The following MYO6 variants were observed in gnomAD, a reference collection of about 807,000 sequenced individuals.
MYO6 encodes the protein unconventional myosin-VI.
In MYO6, 74 loss-of-function variants were observed where a neutral mutation model predicts 178.7. The observed-to-expected ratio is 0.41, with a 90% confidence interval of 0.34 to 0.50. The LOEUF (loss-of-function observed/expected upper bound fraction) is 0.50, where lower values mean the gene tolerates loss of function less well. MYO6 is among the 20% of genes least tolerant of loss of function. MYO6 has a pLI of 0.09. For synonymous variants in MYO6, 477 were observed against 504.6 expected, an observed-to-expected ratio of 0.95 and a Z score of 0.73; for missense variants, 1,330 against 1,547.4, an observed-to-expected ratio of 0.86 and a Z score of 2.36.
rs1002883208 is a variant in MYO6, at chr6:75,866,638, C to T, written c.1770+17C>T. 6.3e-7 allele frequency: 1 copy of T among 1,596,520 alleles called. No individual in the cohort carries two copies. The highest frequency in any genetic ancestry group is 2.2e-5 in the East Asian group (1 of 44,806). The stretch of plus-strand genomic sequence containing the variant: ...TATGAAACAGTGAGTATAACTTTTA[C>T]AAGGAGAAAACCATTTCATGTTGAA... On this transcript the variant is annotated intron_variant, in intron 17 of 34. Coordinates refer to ENST00000369977, the MANE Select transcript of MYO6 (RefSeq NM_004999.4).
At chr6:75,886,117 A>AG in intron 24 of MYO6, 23 bp downstream of exon 24, 1 of 1,496,952 alleles carries the variant, frequency 6.7e-7, no homozygotes, top group African/African-American at 1.4e-5. Flanking sequence ...GTTCCTAAAA[A>AG]GAACTCTACA....
chr6:75,872,378 A>C lies in MYO6; in HGVS notation c.1984-829A>C, dbSNP rs367903344. On this transcript the variant is annotated intron_variant, in intron 19 of 34. Coordinates refer to ENST00000369977, the MANE Select transcript of MYO6 (RefSeq NM_004999.4). ...TAAGCTTTAAAAAATATTGTTTGAC[A>C]AACAAATGTTAAAATGTACAACAGT... Among the ~76,000 whole-genome samples, 8 of 152,348 alleles carry C rather than the reference A, an allele frequency of 5.3e-5. No individual in the cohort carries two copies. In the East Asian group the frequency reaches 1.5e-3, roughly 29 times the overall value.
At chr6:75,827,468 G>C (rs1171340320) in intron 3 of MYO6, among the ~76,000 whole-genome samples, 3 of 152,192 alleles carry the variant, frequency 2.0e-5, no homozygotes, top group Admixed American at 6.5e-5. Flanking sequence ...GCTCTGATCA[G>C]ACATGAATTT....
At chr6:75,909,647 C>A (rs1780608260) in intron 32 of MYO6, among the ~76,000 whole-genome samples, 1 of 152,150 alleles carries the variant, frequency 6.6e-6, no homozygotes, top group Non-Finnish European at 1.5e-5. Flanking sequence ...GTTGTAATTT[C>A]AATCTTTAAA....
rs374917329 is a variant in MYO6 at position 75,892,682 on chromosome 6, G to T, written c.3099G>T (p.Ala1033=). The change falls in exon 28 of 35, where the codon GCG becomes GCT. Residue 1033 remains alanine (A), a synonymous_variant. Transcript: ENST00000369977. Reference sequence around the variant, plus strand: ...GTGATGAGGCCCAGGCCGACCTGGCGCTGCGGAGGTACTGGGGCCCCTGGG... The same window carrying T: ...GTGATGAGGCCCAGGCCGACCTGGCTCTGCGGAGGTACTGGGGCCCCTGGG... The part of the protein sequence containing the change: ...LISDEAQADL[A]LRRNDGTRPK... 5.0e-6 allele frequency: 8 copies of T among 1,612,288 alleles called. No homozygotes were observed. Among genetic ancestry groups the T allele is most frequent in the East Asian group, 2.2e-5 (1 of 44,876 alleles).
chr6:75,908,745 A>G, intron 32 of MYO6, 118 bp downstream of exon 32: 1 of 1,119,594 alleles, frequency 8.9e-7, no homozygotes, highest in East Asian at 2.5e-5. Flanking sequence ...TAGAACTGTG[A>G]GCCATTGAAC....
intron 1 of MYO6, among the ~76,000 whole-genome samples, chr6:75,808,362 T>C (rs1770313995): frequency 6.6e-6 from 1 of 152,226 alleles, no homozygotes; most frequent in South Asian, 2.1e-4. Flanking sequence ...GTGCATGTAC[T>C]CGGACAGAGA....
chr6:75,907,761 A>G, intron 31 of MYO6, 53 bp downstream of exon 31: 1 of 1,373,004 alleles, frequency 7.3e-7, no homozygotes, highest in Admixed American at 1.7e-5. Context: ...GATAGGTGAT[A>G]AATACCTAGA....
At position 75,908,583 on chromosome 6, in the gene MYO6, A is replaced by G; in HGVS notation, c.3368A>G (p.Asn1123Ser). 6.2e-7 allele frequency: 1 copy of G among 1,613,672 alleles called. No homozygotes were observed. The highest frequency in any genetic ancestry group is 2.2e-5 in the East Asian group (1 of 44,780). Residue 1123 changes from asparagine to serine, a missense_variant, in exon 32 of 35, where the codon AAT (asparagine) becomes AGT (serine). Around this residue, in one of 3 missense-constraint regions of MYO6, gnomAD observed 601 missense variants for 626.1 expected, o/e 0.96. Coordinates refer to ENST00000369977, the MANE Select transcript of MYO6 (RefSeq NM_004999.4). ...HAWKSKNKKR[N>S]TETEQRAPKS... ...TGGAAATCTAAGAACAAGAAGAGAA[A>G]TACTGAAACAGAGCAACGTGCTCCA...
chr6:75,838,245 C>A (rs532364757), intron 7 of MYO6, among the ~76,000 whole-genome samples: 1 of 151,610 alleles, frequency 6.6e-6, no homozygotes, highest in African/African-American at 2.4e-5. Context: ...TTAGTAGAGT[C>A]GGGGTTTCAC....
intron 10 of MYO6, among the ~76,000 whole-genome samples, chr6:75,848,003 T>C (rs1355472192): frequency 6.6e-6 from 1 of 152,160 alleles, no homozygotes; most frequent in Non-Finnish European, 1.5e-5. Flanking sequence ...CAAGTATTGA[T>C]ATTCCCTCCT....
chr6:75,757,625 G>A (rs1440408233), intron 1 of MYO6, among the ~76,000 whole-genome samples: 2 of 151,858 alleles, frequency 1.3e-5, no homozygotes, highest in Non-Finnish European at 2.9e-5. Context: ...CCAGAGTTGC[G>A]TTTAAGCACA....
intron 1 of MYO6, among the ~76,000 whole-genome samples, chr6:75,754,811 A>G (rs1176660447): frequency 3.3e-5 from 5 of 152,242 alleles, no homozygotes; most frequent in Non-Finnish European, 4.4e-5. Context: ...CTAATAACTT[A>G]TATTTGGATG....
intron 1 of MYO6, among the ~76,000 whole-genome samples, chr6:75,778,313 G>T (rs1404720006): frequency 6.6e-6 from 1 of 152,090 alleles, no homozygotes. Flanking sequence ...AAAAATTTCT[G>T]GCCGGGCACA....
At chr6:75,802,205 G>C (rs892135245) in intron 1 of MYO6, among the ~76,000 whole-genome samples, 7 of 151,308 alleles carry the variant, frequency 4.6e-5, no homozygotes, top group Non-Finnish European at 1.0e-4. Flanking sequence ...ATGGTGGCTC[G>C]TGCCTGTAAT....
chr6:75,857,817 G>A (rs1775853576), intron 13 of MYO6, among the ~76,000 whole-genome samples: 1 of 152,222 alleles, frequency 6.6e-6, no homozygotes, highest in Admixed American at 6.5e-5. Context: ...TCACCAGCAT[G>A]TGAATGCTGC....
chr6:75,913,493 ATGT>A (rs1057103890), intron 33 of MYO6, among the ~76,000 whole-genome samples: 2 of 152,254 alleles, frequency 1.3e-5, no homozygotes, highest in East Asian at 1.9e-4. Flanking sequence ...GGTTGTCTAA[ATGT>A]TGTTAATATC....
chr6:75,750,598 G>T (rs1220126902), intron 1 of MYO6, among the ~76,000 whole-genome samples: 1 of 150,542 alleles, frequency 6.6e-6, no homozygotes, highest in East Asian at 2.0e-4. Context: ...CAGAACTTGA[G>T]AGTTTTAAAA....
intron 1 of MYO6, among the ~76,000 whole-genome samples, chr6:75,804,653 C>T (rs570170432): frequency 1.3e-5 from 2 of 151,948 alleles, no homozygotes; most frequent in African/African-American, 4.8e-5. Context: ...CCTTTATACC[C>T]CCAACACCTG....
Sources: gnomAD v4.1 joint callset for allele counts (sites outside exome capture counted in the v4.1 genomes callset) on GRCh38, gnomAD v4.1.1 for gene constraint, gnomAD v4.1.1 regional missense constraint, MANE v1.5 for transcripts, NCBI Gene and HGNC (gene_info 2026-07-23, HGNC 2026-07-21) for gene names.